The following ZNF277 variants were observed in gnomAD, a reference collection of about 807,000 sequenced individuals.
ZNF277 encodes the protein nuclear receptor-interacting factor 4.
Under a neutral mutation model 60.7 loss-of-function variants are expected in ZNF277, and 55 were observed. The ratio of observed to expected loss-of-function variants is 0.91; its 90% CI spans 0.73 to 1.13. ZNF277 has a LOEUF of 1.13. ZNF277 is among the 50% of genes most tolerant of loss of function. ZNF277 has a pLI of 0.00. For missense variants in ZNF277, 510 were observed against 523.0 expected (o/e 0.98, Z 0.24); for synonymous variants, 178 against 179.3 (o/e 0.99, Z 0.06).
At chr7:112,320,353 A>G (rs1792949015) in intron 5 of ZNF277, among the ~76,000 whole-genome samples, 1 of 152,102 alleles carries the variant, frequency 6.6e-6, no homozygotes, top group African/African-American at 2.4e-5. Flanking sequence ...AAAGATAAAT[A>G]GTGTCTAGTT....
intron 1 of ZNF277, among the ~76,000 whole-genome samples, chr7:112,281,341 G>T (rs909659413): frequency 6.6e-6 from 1 of 152,136 alleles, no homozygotes; most frequent in African/African-American, 2.4e-5. Context: ...AAGCTAAAAT[G>T]TATTCAGGAT....
At chr7:112,213,738 G>A (rs1416142494) in intron 1 of ZNF277, among the ~76,000 whole-genome samples, 2 of 152,152 alleles carry the variant, frequency 1.3e-5, no homozygotes, top group Non-Finnish European at 2.9e-5. Context: ...ATTGAATGAG[G>A]TCTGAAACAG....
At chr7:112,259,943 C>A (rs140959914) in intron 1 of ZNF277, among the ~76,000 whole-genome samples, 1 of 152,242 alleles carries the variant, frequency 6.6e-6, no homozygotes, top group East Asian at 1.9e-4. Context: ...TAGATAAGTT[C>A]ATCTATCAGG....
chr7:112,295,540 A>G (rs113816275), intron 2 of ZNF277, among the ~76,000 whole-genome samples: 146 of 152,270 alleles, frequency 9.6e-4, no homozygotes, highest in African/African-American at 3.2e-3. Flanking sequence ...AAAGACACAT[A>G]AACTTAGGTG....
At chr7:112,222,590 G>A (rs1195030019) in intron 1 of ZNF277, among the ~76,000 whole-genome samples, 2 of 152,022 alleles carry the variant, frequency 1.3e-5, no homozygotes, top group Non-Finnish European at 2.9e-5. Context: ...AGTTAGCTTA[G>A]CTAAGGGTTT....
intron 1 of ZNF277, among the ~76,000 whole-genome samples, chr7:112,233,416 T>G (rs913901794): frequency 4.6e-5 from 7 of 152,328 alleles, no homozygotes; most frequent in African/African-American, 1.7e-4. Flanking sequence ...CAAGTCATAT[T>G]TTTTGGAGCA....
chr7:112,211,311 T>A (rs1334160178), intron 1 of ZNF277, among the ~76,000 whole-genome samples: 1 of 152,248 alleles, frequency 6.6e-6, no homozygotes, highest in East Asian at 1.9e-4. Flanking sequence ...TTTGATCAGT[T>A]AGCAAGCCTT....
chr7:112,276,707 G>C (rs1190948720), intron 1 of ZNF277, among the ~76,000 whole-genome samples: 1 of 152,080 alleles, frequency 6.6e-6, no homozygotes, highest in East Asian at 1.9e-4. Flanking sequence ...TTATGTAAAG[G>C]TAACATGTTA....
chr7:112,266,376 G>A lies in ZNF277; in HGVS notation c.92-20497G>A, dbSNP rs938871757. 2.6e-5 allele frequency among the ~76,000 whole-genome samples: 4 copies of A among 151,952 alleles called. No individual in the cohort carries two copies. In the East Asian group the frequency reaches 7.7e-4, roughly 29 times the overall value. On this transcript the variant is annotated intron_variant, in intron 1 of 11. Coordinates refer to ENST00000361822, the MANE Select transcript of ZNF277 (RefSeq NM_021994.3). ...TGGCCTGGCTGGTCTCAAACTCCTG[G>A]CCTCAAGCAATCCATCCTCCTCAGC...
intron 4 of ZNF277, among the ~76,000 whole-genome samples, chr7:112,307,501 G>A (rs537304685): frequency 2.4e-4 from 36 of 150,052 alleles, no homozygotes; most frequent in Admixed American, 8.0e-4. Flanking sequence ...TGCAGCCTCC[G>A]CCTCCTGGTT....
intron 4 of ZNF277, among the ~76,000 whole-genome samples, chr7:112,316,220 T>G (rs78503125): frequency 0.059 from 8,987 of 152,134 alleles, 721 homozygotes; most frequent in African/African-American, 0.18. Flanking sequence ...AGAGGTTAGA[T>G]GTAGTTAGTA....
At chr7:112,287,921 A>G (rs1488859887) in intron 2 of ZNF277, 1 of 136,174 alleles carries the variant, frequency 7.3e-6, no homozygotes, top group Non-Finnish European at 1.5e-5. Context: ...TAAGTTCTCT[A>G]AAGAGATGAA....
intron 5 of ZNF277, among the ~76,000 whole-genome samples, chr7:112,321,978 G>A (rs1366669318): frequency 6.6e-6 from 1 of 151,880 alleles, no homozygotes; most frequent in Non-Finnish European, 1.5e-5. Flanking sequence ...AAGAATCAAT[G>A]AATTTGAAAA....
chr7:112,339,890 G>A lies in ZNF277; in HGVS notation c.1009+5G>A. The A allele has an allele frequency of 1.2e-6, 2 of 1,609,028 alleles. No homozygotes were observed. Among genetic ancestry groups the A allele is most frequent in the Non-Finnish European group, 1.7e-6 (2 of 1,179,856 alleles). The stretch of plus-strand genomic sequence containing the variant: ...TCAAAATAAAGTCAGAACTTGGTAA[G>A]TTTGATTCAGAGGTTTTTTTCTGTG... On this transcript the variant is annotated splice_donor_5th_base_variant and intron_variant, in intron 10 of 11. Coordinates refer to ENST00000361822, the MANE Select transcript of ZNF277 (RefSeq NM_021994.3).
At chr7:112,289,726 G>A (rs1221716624) in intron 2 of ZNF277, among the ~76,000 whole-genome samples, 1 of 152,002 alleles carries the variant, frequency 6.6e-6, no homozygotes, top group African/African-American at 2.4e-5. Flanking sequence ...CTATTAGTCA[G>A]CTTTTCTTTA....
intron 1 of ZNF277, 79 bp from the exon 2 acceptor site, chr7:112,286,794 G>A (rs1430761119): frequency 9.1e-6 from 11 of 1,203,222 alleles, no homozygotes; most frequent in Non-Finnish European, 1.3e-5. Flanking sequence ...AATGCAGGAG[G>A]TGGGAAATCA....
At chr7:112,268,305 G>C (rs913576191) in intron 1 of ZNF277, among the ~76,000 whole-genome samples, 3 of 151,390 alleles carry the variant, frequency 2.0e-5, no homozygotes, top group African/African-American at 7.3e-5. Context: ...TAGTGACTGA[G>C]TATTTTGAAT....
At chr7:112,275,122 T>A (rs549547040) in intron 1 of ZNF277, among the ~76,000 whole-genome samples, 74 of 152,214 alleles carry the variant, frequency 4.9e-4, no homozygotes, top group Non-Finnish European at 8.4e-4. Flanking sequence ...TTTTCCCCTT[T>A]ACTGTTGAAA....
intron 1 of ZNF277, among the ~76,000 whole-genome samples, chr7:112,214,760 T>C (rs1162431755): frequency 6.6e-6 from 1 of 152,132 alleles, no homozygotes. Flanking sequence ...TTTTATAGGA[T>C]AATGTGGGAT....
Sources: gnomAD v4.1 joint callset for allele counts (sites outside exome capture counted in the v4.1 genomes callset) on GRCh38, gnomAD v4.1.1 for gene constraint, MANE v1.5 for transcripts, NCBI Gene and HGNC (gene_info 2026-07-23, HGNC 2026-07-21) for gene names.